Variants in PPARD observed in about 807,000 individuals in gnomAD.
PPARD encodes the protein peroxisome proliferator-activated receptor delta.
In PPARD, 6 loss-of-function variants were observed where a neutral mutation model predicts 39.5. The observed-to-expected ratio is 0.15, with a 90% CI of 0.08 to 0.30. The LOEUF (loss-of-function observed/expected upper bound fraction) is 0.30, where lower values mean the gene tolerates loss of function less well. Among genes scored for constraint, PPARD ranks in the 10% least tolerant of loss-of-function variants. The pLI is 1.00. For missense variants in PPARD, 397 were observed against 596.8 expected (o/e 0.67, Z 3.49); for synonymous variants, 210 against 231.3 (o/e 0.91, Z 0.83).
chr6:35,396,911 T>G (rs1764362625), intron 2 of PPARD, among the ~76,000 whole-genome samples: 2 of 152,088 alleles, frequency 1.3e-5, no homozygotes, highest in African/African-American at 2.4e-5. Context: ...TCCTCCCATC[T>G]CAACCTCCCT....
intron 3 of PPARD, among the ~76,000 whole-genome samples, chr6:35,418,524 G>A (rs185242879): frequency 1.3e-5 from 2 of 152,364 alleles, no homozygotes; most frequent in Admixed American, 6.5e-5. Context: ...CAAAGTTCCT[G>A]CCCTTGTGGC....
chr6:35,387,751 T>C (rs1763760932), intron 2 of PPARD, among the ~76,000 whole-genome samples: 1 of 142,926 alleles, frequency 7.0e-6, no homozygotes. Context: ...AGATGGAGTC[T>C]TGTGCTGTCT....
At chr6:35,423,909 C>CA in intron 5 of PPARD, 37 bp from the exon 6 acceptor site, 1 of 1,607,186 alleles carries the variant, frequency 6.2e-7, no homozygotes, top group Non-Finnish European at 8.5e-7. Context: ...CTGGGGCCTG[C>CA]CTGGGCTCCT....
intron 2 of PPARD, among the ~76,000 whole-genome samples, chr6:35,381,574 G>C (rs1763159283): frequency 6.6e-6 from 1 of 152,132 alleles, no homozygotes; most frequent in South Asian, 2.1e-4. Context: ...CATCATGTCA[G>C]GTTCTAGGAA....
intron 5 of PPARD, among the ~76,000 whole-genome samples, chr6:35,422,639 A>T (rs533530795): frequency 6.6e-6 from 1 of 152,136 alleles, no homozygotes; most frequent in Admixed American, 6.5e-5. Context: ...TTACCCAGGG[A>T]TGCCCTAACT....
chr6:35,392,183 C>G (rs973459440), intron 2 of PPARD, among the ~76,000 whole-genome samples: 31 of 150,204 alleles, frequency 2.1e-4, no homozygotes, highest in African/African-American at 6.3e-4. Flanking sequence ...CCAGTCTGGG[C>G]AGGCAAAGGC....
intron 2 of PPARD, among the ~76,000 whole-genome samples, chr6:35,357,901 A>G (rs1761712804): frequency 6.6e-6 from 1 of 152,162 alleles, no homozygotes; most frequent in South Asian, 2.1e-4. Context: ...GACGCTGCCA[A>G]GGCTCCTAAT....
At chr6:35,374,879 C>T (rs1762717287) in intron 2 of PPARD, among the ~76,000 whole-genome samples, 1 of 151,972 alleles carries the variant, frequency 6.6e-6, no homozygotes, top group Non-Finnish European at 1.5e-5. Context: ...CTGACAGTTG[C>T]CCTCTATTTC....
intron 2 of PPARD, among the ~76,000 whole-genome samples, chr6:35,383,576 G>A (rs1439882028): frequency 2.8e-5 from 4 of 141,470 alleles, no homozygotes; most frequent in Admixed American, 6.7e-5. Context: ...ATCCCATCTA[G>A]GAGGTGAGGA....
intron 2 of PPARD, among the ~76,000 whole-genome samples, chr6:35,387,499 C>T (rs1251948589): frequency 1.3e-5 from 2 of 152,110 alleles, no homozygotes; most frequent in Admixed American, 6.5e-5. Context: ...CCACCCCAGC[C>T]CCAGGGGTGA....
intron 2 of PPARD, among the ~76,000 whole-genome samples, chr6:35,383,472 C>A (rs904749609): frequency 6.6e-6 from 1 of 151,378 alleles, no homozygotes; most frequent in Non-Finnish European, 1.5e-5. Flanking sequence ...AAGTGAGGAG[C>A]GTCTCTGCTT....
chr6:35,424,605 G>A lies in PPARD; in HGVS notation c.904G>A (p.Gly302Arg). 1.2e-6 allele frequency: 2 copies of A among 1,614,206 alleles called. No individual in the cohort carries two copies. The highest frequency in any genetic ancestry group is 1.7e-6 in the Non-Finnish European group (2 of 1,180,038). The change falls in exon 7 of 8, where the codon GGG becomes AGG. Residue 302 changes from glycine (G) to arginine (R), a missense_variant. Coordinates refer to ENST00000360694, the MANE Select transcript of PPARD (RefSeq NM_006238.5). The surrounding 1 kb of genome is among the most constrained non-coding windows in gnomAD (Gnocchi z 7.1). Reference protein sequence around the residue: ...AMLASIVNKDGLLVANGSGFV... With the variant: ...AMLASIVNKDRLLVANGSGFV... ...GCTGGCCTCTATCGTCAACAAGGAC[G>A]GGCTGCTGGTAGCCAACGGCAGTGG...
chr6:35,357,205 A>G (rs1761664804), intron 2 of PPARD, among the ~76,000 whole-genome samples: 1 of 152,184 alleles, frequency 6.6e-6, no homozygotes, highest in Non-Finnish European at 1.5e-5. Context: ...CTCTGACCAC[A>G]TCAGTTTTCC....
chr6:35,421,752 C>A, intron 4 of PPARD, 68 bp from the exon 5 acceptor site: 1 of 1,506,056 alleles, frequency 6.6e-7, no homozygotes, highest in South Asian at 1.3e-5. Context: ...TATACATAAT[C>A]GGGCCCTTTG....
chr6:35,358,082 T>A (rs1352839222), intron 2 of PPARD, among the ~76,000 whole-genome samples: 1 of 152,192 alleles, frequency 6.6e-6, no homozygotes, highest in Non-Finnish European at 1.5e-5. Context: ...GTAATTAAAT[T>A]AAGGATCTTG....
At chr6:35,342,977 C>T (rs1274528613) in intron 1 of PPARD, among the ~76,000 whole-genome samples, 1 of 152,132 alleles carries the variant, frequency 6.6e-6, no homozygotes, top group Non-Finnish European at 1.5e-5. Flanking sequence ...ACTCTTTGCC[C>T]CCTCTTGGGC....
chr6:35,394,282 A>G (rs535321177), intron 2 of PPARD, among the ~76,000 whole-genome samples: 12 of 152,346 alleles, frequency 7.9e-5, no homozygotes, highest in South Asian at 6.2e-4. Flanking sequence ...CCATCCTGCC[A>G]TGGCACCATG....
rs761749779 is a variant in PPARD, at chr6:35,424,344, G to A, written c.643G>A (p.Asp215Asn). 1.6e-5 allele frequency: 26 copies of A among 1,611,562 alleles called. No homozygotes were observed. The East Asian group carries it at 2.0e-4, about 12-fold the overall frequency. The change falls in exon 7 of 8, where the codon GAC becomes AAC. Residue 215 changes from aspartate to asparagine, a missense_variant. By Grantham distance (23) the Asp-to-Asn change is conservative. Transcript: ENST00000360694. The surrounding 1 kb of genome is among the most constrained non-coding windows in gnomAD (Gnocchi z 7.1). ...TGGTTTTCAGCCCTTTGTGATCCAC[G>A]ACATCGAGACATTGTGGCAGGCAGA... ...ASHTAPFVIH[D>N]IETLWQAEKG...
rs1765507707 is a variant in PPARD, at chr6:35,412,671, A to G, written c.130+1454A>G. 6.6e-6 allele frequency among the ~76,000 whole-genome samples: 1 copy of G among 152,190 alleles called. No individual in the cohort carries two copies. The highest frequency in any genetic ancestry group is 2.4e-5 in the African/African-American group (1 of 41,454). On this transcript the variant is annotated intron_variant, in intron 3 of 7. Coordinates refer to ENST00000360694, the MANE Select transcript of PPARD (RefSeq NM_006238.5). This position sits in a 1 kb window ranked among gnomAD's most constrained non-coding sequence, Gnocchi z 4.1. ...GTGTATAGAGTTGGGTGGAGGGAGTATAGAGCCATCATTCAGTCCTTCTCA... is the reference window on the plus strand; with the variant it reads ...GTGTATAGAGTTGGGTGGAGGGAGTGTAGAGCCATCATTCAGTCCTTCTCA...
Sources: gnomAD v4.1 joint callset for allele counts (sites outside exome capture counted in the v4.1 genomes callset) on GRCh38, gnomAD v4.1.1 for gene constraint, Gnocchi (gnomAD v3.1) non-coding constraint, MANE v1.5 for transcripts, NCBI Gene and HGNC (gene_info 2026-07-23, HGNC 2026-07-21) for gene names.